The following DGKI variants were observed in gnomAD, a reference collection of about 807,000 sequenced individuals.
DGKI encodes the protein diacylglycerol kinase iota.
A neutral mutation model predicts 147.5 loss-of-function variants in DGKI; 55 were observed. The observed-to-expected ratio is 0.37, with a 90% CI of 0.30 to 0.47. The LOEUF (loss-of-function observed/expected upper bound fraction) is 0.47. Ranked by LOEUF, DGKI falls within the 20% of genes least tolerant of loss-of-function variation. DGKI has a pLI of 1.00. For missense variants in DGKI, 1,007 were observed against 1,323.8 expected, an observed-to-expected ratio of 0.76 and a Z score of 3.71; for synonymous variants, 469 against 477.1, an observed-to-expected ratio of 0.98 and a Z score of 0.22.
rs544762701 is a variant in DGKI, at chr7:137,586,964, C to T, written c.1425+133G>A. ...ACCAGATCAAATAAGGGCTCAAGGG[C>T]ACTTTGATTCTCAACTCTAACTTAT... is the stretch of plus-strand genomic sequence containing the variant. On this transcript the variant is annotated intron_variant, in intron 13 of 32. Coordinates refer to ENST00000614521, the MANE Select transcript of DGKI (RefSeq NM_001321708.2). The T allele has an allele frequency of 6.4e-5, 38 of 595,334 alleles. No homozygotes were observed. The African/African-American group carries it at 7.0e-4, about 11-fold the overall frequency. 36.9% of individuals were successfully genotyped at this position (595,334 alleles called of 1,614,324 possible).
Position 137,386,015 on chromosome 7 carries a change from C to T in DGKI, c.*5205G>A, listed in dbSNP as rs980617433. 2.0e-5 allele frequency: 3 copies of T among 152,136 alleles called. No individual in the cohort carries two copies. The highest frequency in any genetic ancestry group is 7.2e-5 in the African/African-American group (3 of 41,436). 9.4% of individuals were successfully genotyped at this position (152,136 alleles called of 1,614,324 possible). A position where few individuals can be genotyped will look rare whatever the true frequency, so the allele number is the denominator to read the frequency against. The stretch of plus-strand genomic sequence containing the variant: ...TTTTCAAATAATGATTAAATACATG[C>T]ACTTATGATTGATTCATGGACATAT... On this transcript the variant is annotated 3_prime_UTR_variant, in exon 33 of 33. Coordinates refer to ENST00000614521, the MANE Select transcript of DGKI (RefSeq NM_001321708.2).
chr7:137,391,346 A>T lies in DGKI; in HGVS notation c.3058-10T>A. On this transcript the variant is annotated splice_polypyrimidine_tract_variant and intron_variant, in intron 32 of 32. Transcript: ENST00000614521. ...CTTGAGGTGTCTTACCCTATACGAA[A>T]ATAGTGAGAAAAAAAAAAAGAGAGA... is the stretch of plus-strand genomic sequence containing the variant. 1 of 1,516,588 alleles carries T rather than the reference A, an allele frequency of 6.6e-7. No homozygotes were observed. The highest frequency in any genetic ancestry group is 1.2e-5 in the South Asian group (1 of 80,896). 93.9% of individuals were successfully genotyped at this position (1,516,588 alleles called of 1,614,324 possible). A position where few individuals can be genotyped will look rare whatever the true frequency, so the allele number is the denominator to read the frequency against.
At chr7:137,411,511 C>T (rs2128900915) in intron 29 of DGKI, among the ~76,000 whole-genome samples, 1 of 152,206 alleles carries the variant, frequency 6.6e-6, no homozygotes, top group East Asian at 1.9e-4. Flanking sequence ...GGTAATATTA[C>T]TCCATTTTAC....
chr7:137,548,748 A>G (rs1027169386), intron 20 of DGKI, among the ~76,000 whole-genome samples: 1 of 152,162 alleles, frequency 6.6e-6, no homozygotes, highest in Admixed American at 6.5e-5. Flanking sequence ...CGGGCAGATC[A>G]CTTGAGCCCA....
chr7:137,660,404 G>C lies in DGKI; in HGVS notation c.607-3864C>G, dbSNP rs540609004. 3.0e-3 allele frequency among the ~76,000 whole-genome samples: 462 copies of C among 152,326 alleles called. 1 individual carries two copies. Among genetic ancestry groups the C allele is most frequent in the Non-Finnish European group, 4.6e-3 (315 of 68,032 alleles). On this transcript the variant is annotated intron_variant, in intron 3 of 32. Coordinates refer to ENST00000614521, the MANE Select transcript of DGKI (RefSeq NM_001321708.2). ...TGATCTCACCAGCAGCCATACAGTG[G>C]TTATAAGAGAAAACACATCCTACAT...
At chr7:137,554,918 T>C (rs953728928) in intron 19 of DGKI, among the ~76,000 whole-genome samples, 5 of 141,622 alleles carry the variant, frequency 3.5e-5, no homozygotes, top group South Asian at 2.4e-4. Flanking sequence ...TATTTTCTTT[T>C]TTTTTTTTTT....
At position 137,818,320 on chromosome 7, in the gene DGKI, G is replaced by T. The variant is rs146836469; in HGVS notation, c.401+28142C>A. Among the ~76,000 whole-genome samples the T allele has an allele frequency of 5.9e-3, 898 of 152,258 alleles. 4 individuals are homozygous for T. Among genetic ancestry groups the T allele is most frequent in the Non-Finnish European group, 8.6e-3 (586 of 68,012 alleles). Reference sequence around the variant, plus strand: ...CAGAAATGTGTCATCAACCACACAAGTGCACTCCTCAGATGGCTCAAGTGG... The same window carrying T: ...CAGAAATGTGTCATCAACCACACAATTGCACTCCTCAGATGGCTCAAGTGG... On this transcript the variant is annotated intron_variant, in intron 1 of 32. Transcript: ENST00000614521.
intron 23 of DGKI, among the ~76,000 whole-genome samples, chr7:137,480,344 G>T (rs917312724): frequency 6.6e-6 from 1 of 152,114 alleles, no homozygotes; most frequent in Admixed American, 6.6e-5. Context: ...TCTATTGAAG[G>T]ACTCTTCTAG....
intron 9 of DGKI, 141 bp downstream of exon 9, chr7:137,609,394 C>T: frequency 1.5e-6 from 1 of 655,774 alleles, no homozygotes; most frequent in Non-Finnish European, 2.6e-6. Flanking sequence ...AGAAAGAATC[C>T]TATTGTGGTT....
intron 6 of DGKI, among the ~76,000 whole-genome samples, chr7:137,631,101 G>C (rs946596262): frequency 6.6e-6 from 1 of 152,176 alleles, no homozygotes; most frequent in Non-Finnish European, 1.5e-5. Context: ...TAATCTTGCC[G>C]ATGGTGTGAC....
chr7:137,666,472 T>C (rs1822645466), intron 3 of DGKI, among the ~76,000 whole-genome samples: 1 of 152,218 alleles, frequency 6.6e-6, no homozygotes, highest in African/African-American at 2.4e-5. Context: ...GTCTACACCT[T>C]GGAATTCATT....
At chr7:137,699,955 T>C (rs1823920101) in intron 1 of DGKI, among the ~76,000 whole-genome samples, 1 of 152,230 alleles carries the variant, frequency 6.6e-6, no homozygotes, top group African/African-American at 2.4e-5. Context: ...AAATCCTGCA[T>C]GACCCTAAGG....
chr7:137,559,842 A>G (rs1034362580), intron 19 of DGKI, among the ~76,000 whole-genome samples: 3 of 152,220 alleles, frequency 2.0e-5, no homozygotes, highest in Non-Finnish European at 4.4e-5. Context: ...ATGGACAATC[A>G]TTCCTCTAAA....
intron 1 of DGKI, among the ~76,000 whole-genome samples, chr7:137,821,065 C>T (rs115873765): frequency 6.6e-6 from 1 of 152,156 alleles, no homozygotes; most frequent in African/African-American, 2.4e-5. Context: ...CCAGACTGAG[C>T]ACCTCGTTGG....
chr7:137,390,124 T>C lies in DGKI; in HGVS notation c.*1096A>G, dbSNP rs1369786125. On this transcript the variant is annotated 3_prime_UTR_variant, in exon 33 of 33. Coordinates refer to ENST00000614521, the MANE Select transcript of DGKI (RefSeq NM_001321708.2). ...TATTAGCCTCTGTGCAACATTCCAA[T>C]GACTGTTTCCTATTTCAGTGACATA... The C allele has an allele frequency of 1.3e-5, 2 of 152,246 alleles. No individual in the cohort carries two copies. Among genetic ancestry groups the C allele is most frequent in the African/African-American group, 2.4e-5 (1 of 41,554 alleles). 9.4% of individuals were successfully genotyped at this position (152,246 alleles called of 1,614,324 possible). A position where few individuals can be genotyped will look rare whatever the true frequency, so the allele number is the denominator to read the frequency against.
At chr7:137,408,607 C>G (rs1812050818) in intron 29 of DGKI, among the ~76,000 whole-genome samples, 1 of 152,142 alleles carries the variant, frequency 6.6e-6, no homozygotes, top group Non-Finnish European at 1.5e-5. Context: ...GCCTGCAAAC[C>G]TTCTGTTAAT....
At chr7:137,638,829 C>T (rs535324302) in intron 6 of DGKI, among the ~76,000 whole-genome samples, 1 of 150,416 alleles carries the variant, frequency 6.6e-6, no homozygotes. Flanking sequence ...GTTTTATATG[C>T]CTTATTAATT....
chr7:137,569,661 AGAGCTTGCAGT>A (rs1818718973), intron 19 of DGKI, among the ~76,000 whole-genome samples: 1 of 140,734 alleles, frequency 7.1e-6, no homozygotes, highest in African/African-American at 2.7e-5. Context: ...CCCAGGAGGT[AGAGCTTGCAGT>A]GAGCCGAAAT....
At chr7:137,458,870 T>C (rs963877122) in intron 27 of DGKI, among the ~76,000 whole-genome samples, 6 of 152,178 alleles carry the variant, frequency 3.9e-5, no homozygotes, top group African/African-American at 1.4e-4. Flanking sequence ...AGAACTTCCT[T>C]GGACACTGAA....
Sources: gnomAD v4.1 joint callset for allele counts (sites outside exome capture counted in the v4.1 genomes callset) on GRCh38, gnomAD v4.1.1 for gene constraint, MANE v1.5 for transcripts, NCBI Gene and HGNC (gene_info 2026-07-23, HGNC 2026-07-21) for gene names.